Variants in NAV2 observed in about 807,000 individuals in gnomAD.
The protein encoded by NAV2 is helicase, APC down-regulated 1.
In NAV2, 54 loss-of-function variants were observed where a neutral mutation model predicts 223.2. The ratio of observed to expected loss-of-function variants is 0.24; its 90% confidence interval spans 0.19 to 0.30. The LOEUF is 0.30. Among genes scored for constraint, NAV2 ranks in the 10% least tolerant of loss-of-function variants. The probability of loss-of-function intolerance (pLI) is 1.00; values close to 1 mark genes in which losing one functional copy is unlikely to be tolerated. For synonymous variants in NAV2, 1,279 were observed against 1,239.3 expected, an observed-to-expected ratio of 1.03 and a Z score of -0.67; for missense variants, 2,806 against 3,147.5, an observed-to-expected ratio of 0.89 and a Z score of 2.60.
chr11:19,858,298 G>T (rs1427210711), intron 3 of NAV2, among the ~76,000 whole-genome samples: 2 of 152,184 alleles, frequency 1.3e-5, no homozygotes, highest in African/African-American at 4.8e-5. Context: ...GTATAAACAA[G>T]ATCATGCAGG....
At chr11:19,884,727 G>A (rs774148196) in intron 5 of NAV2, among the ~76,000 whole-genome samples, 35 of 152,182 alleles carry the variant, frequency 2.3e-4, no homozygotes, top group Admixed American at 1.4e-3. Context: ...TTCCTGCTTC[G>A]TCCTGGCCCT....
intron 1 of NAV2, among the ~76,000 whole-genome samples, chr11:19,642,922 C>T (rs1255080258): frequency 2.0e-5 from 3 of 152,182 alleles, no homozygotes; most frequent in Non-Finnish European, 4.4e-5. Context: ...CAAACCCTTG[C>T]ATCAGGTGGT....
chr11:19,549,618 C>T, intron 1 of NAV2, among the ~76,000 whole-genome samples: 1 of 152,246 alleles, frequency 6.6e-6, no homozygotes, highest in East Asian at 1.9e-4. Flanking sequence ...TAAGCCATCT[C>T]AAAAGGACCC....
chr11:20,009,782 T>C lies in NAV2; in HGVS notation c.2768+25535T>C, dbSNP rs546904446. ...CCCCAACGCCCCAAACCATCCTTTT[T>C]CTTGCCTTCCAATCTTTGCAGAGAC... On this transcript the variant is annotated intron_variant, in intron 11 of 37. Coordinates refer to ENST00000349880, the MANE Select transcript of NAV2 (RefSeq NM_145117.5). Among the ~76,000 whole-genome samples, 9 of 152,246 alleles carry C rather than the reference T, an allele frequency of 5.9e-5. No homozygotes were observed. In the East Asian group the frequency reaches 1.5e-3, roughly 26 times the overall value.
At chr11:19,959,735 C>G (rs1591431234) in intron 10 of NAV2, among the ~76,000 whole-genome samples, 2 of 152,202 alleles carry the variant, frequency 1.3e-5, no homozygotes, top group Non-Finnish European at 2.9e-5. Context: ...CTAGTGAGCC[C>G]TCTCCTTAGA....
rs116556241 is a variant in NAV2 at position 19,696,199 on chromosome 11, A to T, written c.76-136285A>T. On this transcript the variant is annotated intron_variant, in intron 1 of 37. Transcript: ENST00000360655. ...AATAAAAAAAATAAACTGGCTTGCC[A>T]CCAACGCCATTGTGCTAAGAATAAT... Among the ~76,000 whole-genome samples the T allele has an allele frequency of 8.0e-3, 1,223 of 152,334 alleles. 28 individuals are homozygous for T. The highest frequency in any genetic ancestry group is 0.028 in the African/African-American group (1,167 of 41,568).
intron 12 of NAV2, among the ~76,000 whole-genome samples, chr11:20,038,953 CTG>C (rs1323790469): frequency 6.6e-6 from 1 of 152,170 alleles, no homozygotes; most frequent in Non-Finnish European, 1.5e-5. Flanking sequence ...TTCCTTTTGT[CTG>C]TGAGGGACTC....
intron 1 of NAV2, among the ~76,000 whole-genome samples, chr11:19,472,275 G>A (rs1417381226): frequency 6.6e-6 from 1 of 152,088 alleles, no homozygotes. Flanking sequence ...AAGGTTCTTG[G>A]TTTAGGTCCT....
At chr11:19,476,427 A>G (rs1018618806) in intron 1 of NAV2, among the ~76,000 whole-genome samples, 7 of 152,056 alleles carry the variant, frequency 4.6e-5, no homozygotes, top group Admixed American at 6.5e-5. Context: ...TGTATTGCCA[A>G]CCACTGGGCT....
chr11:19,841,799 A>G (rs1268578917), intron 2 of NAV2, among the ~76,000 whole-genome samples: 1 of 152,198 alleles, frequency 6.6e-6, no homozygotes, highest in African/African-American at 2.4e-5. Flanking sequence ...TCAAAAGGAC[A>G]ATTTTTATAT....
intron 1 of NAV2, among the ~76,000 whole-genome samples, chr11:19,716,243 G>T (rs1384274453): frequency 6.6e-6 from 1 of 152,204 alleles, no homozygotes; most frequent in East Asian, 1.9e-4. Context: ...AGGAGATTGG[G>T]TTGTGTAGTG....
Position 19,713,586 on chromosome 11 carries a change from G to A in NAV2, c.-110G>A. On this transcript the variant is annotated 5_prime_UTR_variant, in exon 1 of 38. Coordinates refer to ENST00000349880, the MANE Select transcript of NAV2 (RefSeq NM_145117.5). This position sits in a 1 kb window ranked among gnomAD's most constrained non-coding sequence, Gnocchi z 7.2. ...TTTTTTTTAGCCGCTGGTGGTGGGC[G>A]CCTCGTGGGCTAAGGCCCGGCGCCT... is the stretch of plus-strand genomic sequence containing the variant. The A allele has an allele frequency of 7.1e-7, 1 of 1,400,728 alleles. No individual in the cohort carries two copies. The highest frequency in any genetic ancestry group is 2.7e-5 in the East Asian group (1 of 36,920). The allele number at this position is 1,400,728 out of a possible 1,614,324, so 86.8% of individuals were successfully genotyped here.
At chr11:19,927,122 G>A (rs1026792626) in intron 6 of NAV2, among the ~76,000 whole-genome samples, 7 of 152,006 alleles carry the variant, frequency 4.6e-5, no homozygotes, top group East Asian at 3.8e-4. Flanking sequence ...TCTAAACTCC[G>A]AGAAAAAAAA....
intron 1 of NAV2, among the ~76,000 whole-genome samples, chr11:19,638,609 A>G (rs1207683655): frequency 6.6e-6 from 1 of 152,268 alleles, no homozygotes; most frequent in East Asian, 1.9e-4. Flanking sequence ...GACAGCATAA[A>G]GTATTTTCTA....
chr11:20,005,495 C>T (rs1326097728), intron 11 of NAV2, among the ~76,000 whole-genome samples: 1 of 151,532 alleles, frequency 6.6e-6, no homozygotes, highest in Non-Finnish European at 1.5e-5. Flanking sequence ...ATCCATCTGC[C>T]TCAGCCTCCC....
At chr11:19,668,878 A>G (rs1352435169) in intron 1 of NAV2, among the ~76,000 whole-genome samples, 1 of 152,188 alleles carries the variant, frequency 6.6e-6, no homozygotes, top group Non-Finnish European at 1.5e-5. Context: ...CAGGTAACAG[A>G]CAATAATCTC....
chr11:19,843,706 G>T (rs11025286), intron 3 of NAV2, among the ~76,000 whole-genome samples: 69,775 of 150,782 alleles, frequency 0.46, 17,472 homozygotes, highest in African/African-American at 0.65. Flanking sequence ...CATGAAGGTG[G>T]CAACTTAAGG....
chr11:19,991,493 C>T (rs1293118120), intron 11 of NAV2, among the ~76,000 whole-genome samples: 1 of 152,180 alleles, frequency 6.6e-6, no homozygotes, highest in African/African-American at 2.4e-5. Context: ...TACCTCGTTG[C>T]AACTCACTTT....
chr11:19,382,267 G>C (rs939732117), intron 1 of NAV2, among the ~76,000 whole-genome samples: 1 of 152,172 alleles, frequency 6.6e-6, no homozygotes, highest in Non-Finnish European at 1.5e-5. Context: ...GTGAGCGTGG[G>C]AGACAGCTTT....
Sources: gnomAD v4.1 joint callset for allele counts (sites outside exome capture counted in the v4.1 genomes callset) on GRCh38, gnomAD v4.1.1 for gene constraint, Gnocchi (gnomAD v3.1) non-coding constraint, MANE v1.5 for transcripts, NCBI Gene and HGNC (gene_info 2026-07-23, HGNC 2026-07-21) for gene names.